The following EXO5 variants were observed in gnomAD, a reference collection of about 807,000 sequenced individuals.
EXO5 encodes the protein exonuclease V.
In EXO5, 11 loss-of-function variants were observed where a neutral mutation model predicts 17.8. The ratio of observed to expected loss-of-function variants is 0.62; its 90% confidence interval spans 0.39 to 1.02. The LOEUF is 1.02. Ranked by LOEUF, EXO5 falls within the 50% of genes least tolerant of loss-of-function variation. The probability of loss-of-function intolerance (pLI) is 0.00; values close to 1 mark genes in which losing one functional copy is unlikely to be tolerated. For missense variants in EXO5, 364 were observed against 434.8 expected (o/e 0.84, Z 1.45); for synonymous variants, 147 against 166.5 (o/e 0.88, Z 0.90).
At chr1:40,512,363 G>T (rs546599802) in intron 3 of EXO5, among the ~76,000 whole-genome samples, 1 of 152,324 alleles carries the variant, frequency 6.6e-6, no homozygotes, top group South Asian at 2.1e-4. Flanking sequence ...GTTATGAGGA[G>T]AATGTCATTT....
In EXO5 at chr1:40,515,878, A is replaced by T; in HGVS notation, c.*212A>T. On this transcript the variant is annotated 3_prime_UTR_variant, in exon 4 of 4. Coordinates refer to ENST00000415550, the MANE Select transcript of EXO5 (RefSeq NM_001346953.2). ...ATACTGTCCCTGGAGCTTCATCATG[A>T]TTGCCTGAGAAGACAGATGCTCATC... 2.1e-6 allele frequency: 1 copy of T among 477,702 alleles called. No homozygotes were observed. Among genetic ancestry groups the T allele is most frequent in the Non-Finnish European group, 3.8e-6 (1 of 264,620 alleles). 29.6% of individuals were successfully genotyped at this position (477,702 alleles called of 1,614,324 possible). A position where few individuals can be genotyped will look rare whatever the true frequency, so the allele number is the denominator to read the frequency against.
In EXO5 at chr1:40,514,409, G is replaced by A. The variant is rs559869905; in HGVS notation, c.-30-106G>A. Reference sequence around the variant, plus strand: ...AAATAAACTGGCTTTTTAAAAGAATGTAAATAAATAATTTGTCATAATTTT... The same window carrying A: ...AAATAAACTGGCTTTTTAAAAGAATATAAATAAATAATTTGTCATAATTTT... On this transcript the variant is annotated intron_variant, in intron 3 of 3. Coordinates refer to ENST00000415550, the MANE Select transcript of EXO5 (RefSeq NM_001346953.2). 1.6e-4 allele frequency: 143 copies of A among 918,528 alleles called. 1 individual carries two copies. In the East Asian group the frequency reaches 3.1e-3, roughly 20 times the overall value. 56.9% of individuals were successfully genotyped at this position (918,528 alleles called of 1,614,324 possible).
rs1645840879 is a variant in EXO5 at position 40,514,519 on chromosome 1, C to T, written c.-26C>T. The T allele has an allele frequency of 1.9e-6, 3 of 1,578,954 alleles. No individual in the cohort carries two copies. The South Asian group carries it at 3.5e-5, about 18-fold the overall frequency. Reference sequence around the variant, plus strand: ...TTTCTTTAACATGTTATGCAGGGCCCTTCTAGCCCAATCCAGAGCTGTACC... The same window carrying T: ...TTTCTTTAACATGTTATGCAGGGCCTTTCTAGCCCAATCCAGAGCTGTACC... On this transcript the variant is annotated 5_prime_UTR_variant, in exon 4 of 4. Coordinates refer to ENST00000415550, the MANE Select transcript of EXO5 (RefSeq NM_001346953.2).
At chr1:40,511,301 A>C (rs1645773353) in intron 3 of EXO5, among the ~76,000 whole-genome samples, 2 of 152,230 alleles carry the variant, frequency 1.3e-5, no homozygotes. Flanking sequence ...TGAAGGGTAA[A>C]TATTCTTTCC....
intron 3 of EXO5, 179 bp from the exon 4 acceptor site, chr1:40,514,336 T>C (rs1177855819): frequency 7.8e-6 from 4 of 512,070 alleles, no homozygotes; most frequent in East Asian, 3.4e-5. Flanking sequence ...AGGAGCCCTA[T>C]AGCAATACAT....
In EXO5 at chr1:40,514,970, T is replaced by C. The variant is rs187674356; in HGVS notation, c.426T>C (p.Ala142=). 6.2e-6 allele frequency: 10 copies of C among 1,614,124 alleles called. No homozygotes were observed. Among genetic ancestry groups the C allele is most frequent in the Non-Finnish European group, 7.6e-6 (9 of 1,179,982 alleles). The change falls in exon 4 of 4, where the codon GCT becomes GCC. Residue 142 remains alanine (A), a synonymous_variant. Coordinates refer to ENST00000415550, the MANE Select transcript of EXO5 (RefSeq NM_001346953.2). ...TCCCAGTCACCACTAAAGAAGATGC[T>C]TGGGCAATTAAGTTTCTGAACATAC... is the stretch of plus-strand genomic sequence containing the variant. ...VTVPVTTKED[A]WAIKFLNILL...
chr1:40,515,575 G>A lies in EXO5; in HGVS notation c.1031G>A (p.Arg344Gln), dbSNP rs765927042. 4.3e-5 allele frequency: 69 copies of A among 1,612,810 alleles called. No individual in the cohort carries two copies. In the South Asian group the frequency reaches 5.9e-4, roughly 14 times the overall value. Residue 344 changes from arginine to glutamine, a missense_variant, in exon 4 of 4, where the codon CGG becomes CAG. Arg to Gln is a conservative substitution (Grantham distance 43). Transcript: ENST00000415550. Reference sequence around the variant, plus strand: ...GACGTGGAGGAGGCTTGGAAGTGCCGGACGTGTACCTATGCAGACATTTGT... The same window carrying A: ...GACGTGGAGGAGGCTTGGAAGTGCCAGACGTGTACCTATGCAGACATTTGT... ...GVDVEEAWKC[R>Q]TCTYADICEW...
chr1:40,509,107 G>A (rs775715935), intron 1 of EXO5, 199 bp downstream of exon 1: 2 of 152,316 alleles, frequency 1.3e-5, no homozygotes, highest in Non-Finnish European at 2.9e-5. Context: ...TCCTTCCCGA[G>A]GTGGACGGCT....
chr1:40,514,579 C>T lies in EXO5; in HGVS notation c.35C>T (p.Ala12Val). 1 of 1,613,998 alleles carries T rather than the reference C, an allele frequency of 6.2e-7. No individual in the cohort carries two copies. The highest frequency in any genetic ancestry group is 8.5e-7 in the Non-Finnish European group (1 of 1,179,968). Reference protein sequence around the residue: ...AETREEETVSAEASGFSDLSD... With the variant: ...AETREEETVSVEASGFSDLSD... ...ACAAGAGAAGAGGAGACAGTGTCAG[C>T]AGAAGCCTCAGGGTTCTCAGACTTG... Residue 12 changes from alanine to valine, a missense_variant, in exon 4 of 4, where the codon GCA (alanine) becomes GTA (valine). By Grantham distance (64) the Ala-to-Val change is moderately conservative. Coordinates refer to ENST00000415550, the MANE Select transcript of EXO5 (RefSeq NM_001346953.2).
chr1:40,512,558 G>T (rs774280638), intron 3 of EXO5, among the ~76,000 whole-genome samples: 2 of 152,144 alleles, frequency 1.3e-5, no homozygotes, highest in Non-Finnish European at 2.9e-5. Context: ...GTGTGGACAT[G>T]GGTGTTTGTT....
At chr1:40,514,462 G>A (rs1383263556) in intron 3 of EXO5, 53 bp from the exon 4 acceptor site, 1 of 1,406,154 alleles carries the variant, frequency 7.1e-7, no homozygotes, top group Non-Finnish European at 9.6e-7. Flanking sequence ...ATTTGAAAGT[G>A]CTTTTGAGAA....
chr1:40,515,540 C>G lies in EXO5; in HGVS notation c.996C>G (p.Pro332=). Residue 332 remains proline (P), a synonymous_variant, in exon 4 of 4, where the codon CCC becomes CCG. Coordinates refer to ENST00000415550, the MANE Select transcript of EXO5 (RefSeq NM_001346953.2). ...YMAYWMGHRE[P]QGVDVEEAWK... ...CCTACTGGATGGGCCACCGAGAGCC[C>G]CAGGGAGTTGACGTGGAGGAGGCTT... 6.2e-7 allele frequency: 1 copy of G among 1,613,704 alleles called. No homozygotes were observed. Among genetic ancestry groups the G allele is most frequent in the Non-Finnish European group, 8.5e-7 (1 of 1,179,986 alleles).
At chr1:40,513,205 G>A (rs1259691873) in intron 3 of EXO5, among the ~76,000 whole-genome samples, 3 of 152,104 alleles carry the variant, frequency 2.0e-5, no homozygotes, top group Non-Finnish European at 2.9e-5. Context: ...ATAATATTAA[G>A]AGGATAATTT....
intron 3 of EXO5, 62 bp downstream of exon 3, chr1:40,509,852 C>T (rs999090091): frequency 6.6e-6 from 1 of 152,346 alleles, no homozygotes; most frequent in Admixed American, 6.5e-5. Flanking sequence ...GATACACTCT[C>T]TCATCTCTTC....
At chr1:40,511,581 A>C (rs1645778026) in intron 3 of EXO5, among the ~76,000 whole-genome samples, 1 of 152,234 alleles carries the variant, frequency 6.6e-6, no homozygotes, top group Non-Finnish European at 1.5e-5. Context: ...ACACAACCAC[A>C]ACTGATATTA....
chr1:40,512,242 G>T (rs570560672), intron 3 of EXO5, among the ~76,000 whole-genome samples: 2 of 152,140 alleles, frequency 1.3e-5, no homozygotes, highest in African/African-American at 4.8e-5. Context: ...TGTGGTCTTT[G>T]TTTCCTGGAT....
rs1407961641 is a variant in EXO5, at chr1:40,514,904, A to G, written c.360A>G (p.Ile120Met). ...KAAVLDTGASIHLARELELHD... is the reference protein window; with the variant it reads ...KAAVLDTGASMHLARELELHD... ...CTGTGTTGGACACTGGTGCCAGCAT[A>G]CACCTAGCTAGAGAACTAGAACTTC... Residue 120 changes from isoleucine to methionine, a missense_variant, in exon 4 of 4, where the codon ATA (isoleucine) becomes ATG (methionine). By Grantham distance (10) the Ile-to-Met change is conservative. Coordinates refer to ENST00000415550, the MANE Select transcript of EXO5 (RefSeq NM_001346953.2). 2.5e-6 allele frequency: 4 copies of G among 1,614,186 alleles called. No homozygotes were observed. In the South Asian group the frequency reaches 4.4e-5, roughly 18 times the overall value.
intron 3 of EXO5, among the ~76,000 whole-genome samples, chr1:40,511,204 C>T (rs188453381): frequency 6.6e-6 from 1 of 152,214 alleles, no homozygotes; most frequent in East Asian, 1.9e-4. Flanking sequence ...CACTGCACTC[C>T]AGCCTGGGTG....
rs924282315 is a variant in EXO5 at position 40,515,478 on chromosome 1, G to A, written c.934G>A (p.Glu312Lys). 6.2e-7 allele frequency: 1 copy of A among 1,613,910 alleles called. No individual in the cohort carries two copies. Among genetic ancestry groups the A allele is most frequent in the African/African-American group, 1.3e-5 (1 of 74,878 alleles). ...VLGTEIVAFK[E>K]KEVRAKVQHY... Reference sequence around the variant, plus strand: ...GGGTACTGAGATTGTAGCCTTCAAAGAGAAGGAGGTGAGAGCCAAGGTGCA... The same window carrying A: ...GGGTACTGAGATTGTAGCCTTCAAAAAGAAGGAGGTGAGAGCCAAGGTGCA... The change falls in exon 4 of 4, where the codon GAG (glutamate) becomes AAG (lysine). Residue 312 changes from glutamate (E) to lysine (K), a missense_variant. Transcript: ENST00000415550.
Sources: allele counts gnomAD v4.1 joint callset (sites outside exome capture counted in the v4.1 genomes callset), GRCh38; gene constraint gnomAD v4.1.1; transcripts MANE v1.5; gene names NCBI Gene and HGNC (gene_info 2026-07-23, HGNC 2026-07-21).